The following GPHN variants were observed in gnomAD, a reference collection of about 807,000 sequenced individuals.
The protein encoded by GPHN is gephyrin.
Under a neutral mutation model 95.5 loss-of-function variants are expected in GPHN, and 17 were observed. That is an observed-to-expected ratio of 0.18 (90% CI 0.12 to 0.27). GPHN has a LOEUF of 0.27. Ranked by LOEUF, GPHN falls within the 10% of genes least tolerant of loss-of-function variation. The probability of loss-of-function intolerance (pLI) is 1.00; values close to 1 mark genes in which losing one functional copy is unlikely to be tolerated. For synonymous variants in GPHN, 320 were observed against 322.5 expected (o/e 0.99, Z 0.08); for missense variants, 660 against 978.1 (o/e 0.67, Z 4.34).
At chr14:66,645,452 T>C (rs1268208341) in intron 1 of GPHN, among the ~76,000 whole-genome samples, 2 of 151,974 alleles carry the variant, frequency 1.3e-5, no homozygotes, top group East Asian at 3.9e-4. Context: ...TTTGGGAGGC[T>C]GAGGCAGATG....
chr14:67,696,926 C>T, the GPHN span, among the ~76,000 whole-genome samples: 3 of 152,230 alleles, frequency 2.0e-5, no homozygotes, highest in African/African-American at 7.2e-5. Context: ...TTCCTTCACA[C>T]AATACTAATT....
At chr14:67,599,867 G>A in the GPHN span, among the ~76,000 whole-genome samples, 1 of 152,208 alleles carries the variant, frequency 6.6e-6, no homozygotes, top group Non-Finnish European at 1.5e-5. Context: ...CTGTCCAGCA[G>A]CGGAATATCG....
the GPHN span, among the ~76,000 whole-genome samples, chr14:67,654,044 T>C: frequency 1.3e-5 from 2 of 152,340 alleles, no homozygotes; most frequent in South Asian, 4.2e-4. Flanking sequence ...CTCCAGCAGA[T>C]GGCTACTTGC....
At chr14:66,551,749 C>CA (rs2059819054) in intron 1 of GPHN, among the ~76,000 whole-genome samples, 1 of 152,146 alleles carries the variant, frequency 6.6e-6, no homozygotes, top group Non-Finnish European at 1.5e-5. Flanking sequence ...GGGAAGCAGG[C>CA]ATGTCTTACA....
At chr14:67,504,012 T>C in the GPHN span, among the ~76,000 whole-genome samples, 1 of 149,448 alleles carries the variant, frequency 6.7e-6, no homozygotes, top group East Asian at 2.0e-4. Flanking sequence ...TATTTTTTAA[T>C]TTTTATTTTT....
the GPHN span, among the ~76,000 whole-genome samples, chr14:67,417,121 T>C: frequency 2.0e-5 from 3 of 152,254 alleles, no homozygotes; most frequent in Non-Finnish European, 4.4e-5. Context: ...CAGATCACTC[T>C]TGAACAGCAC....
chr14:67,055,235 C>A (rs928794999), intron 10 of GPHN, among the ~76,000 whole-genome samples: 6 of 151,604 alleles, frequency 4.0e-5, no homozygotes, highest in Non-Finnish European at 8.9e-5. Context: ...AAAAAAATAA[C>A]CCCATTTAAA....
At chr14:67,425,158 C>T in the GPHN span, among the ~76,000 whole-genome samples, 1 of 152,126 alleles carries the variant, frequency 6.6e-6, no homozygotes, top group Admixed American at 6.5e-5. Context: ...GATCACAGCT[C>T]ACTACAGCCT....
the GPHN span, among the ~76,000 whole-genome samples, chr14:67,361,114 G>C: frequency 1.3e-5 from 2 of 152,196 alleles, no homozygotes; most frequent in African/African-American, 2.4e-5. Flanking sequence ...AACTATGTTA[G>C]TTAAGCATAA....
intron 8 of GPHN, among the ~76,000 whole-genome samples, chr14:66,937,851 C>T (rs2067212051): frequency 1.3e-5 from 2 of 152,122 alleles, no homozygotes; most frequent in African/African-American, 4.8e-5. Flanking sequence ...TCTATTTTTG[C>T]CAACCCAAGA....
chr14:67,625,275 C>T, the GPHN span, among the ~76,000 whole-genome samples: 6 of 152,172 alleles, frequency 3.9e-5, no homozygotes, highest in South Asian at 2.1e-4. Flanking sequence ...TGGATTTTTG[C>T]GACCTTGGGT....
intron 17 of GPHN, chr14:67,143,085 C>T (rs566382240): frequency 1.0e-5 from 4 of 387,802 alleles, no homozygotes; most frequent in Admixed American, 3.6e-5. Context: ...CATCCTCCAA[C>T]ATCTCATTGT....
intron 9 of GPHN, among the ~76,000 whole-genome samples, chr14:67,014,403 A>G (rs1189166296): frequency 6.6e-6 from 1 of 152,150 alleles, no homozygotes; most frequent in Non-Finnish European, 1.5e-5. Context: ...GTTTTTTTCC[A>G]GAATACTACT....
rs1160990602 is a variant in GPHN at position 66,681,141 on chromosome 14, C to A, written c.99C>A (p.Asp33Glu). 1.9e-6 allele frequency: 3 copies of A among 1,600,030 alleles called. No individual in the cohort carries two copies. The highest frequency in any genetic ancestry group is 2.6e-6 in the Non-Finnish European group (3 of 1,168,554). ...GTTGCTTCAGGAATCTTGCAGAAGA[C>A]CGCAGTGGGATAAATCTCAAAGATC... Reference protein sequence around the residue: ...SDSCFRNLAEDRSGINLKDLV... With the variant: ...SDSCFRNLAEERSGINLKDLV... Residue 33 changes from aspartate to glutamate, a missense_variant, in exon 2 of 23, where the codon GAC becomes GAA. Asp to Glu is a conservative substitution (Grantham distance 45). Transcript: ENST00000478722.
At chr14:66,559,165 T>C (rs539439019) in intron 1 of GPHN, among the ~76,000 whole-genome samples, 8 of 152,312 alleles carry the variant, frequency 5.3e-5, no homozygotes, top group African/African-American at 1.7e-4. Flanking sequence ...TGGTTCCAAG[T>C]CTTTGCTATT....
chr14:67,204,445 AC>A, the GPHN span: 3 of 1,394,746 alleles, frequency 2.2e-6, no homozygotes, highest in Non-Finnish European at 2.8e-6. Context: ...TTGTCTCAAA[AC>A]AAACAAACAA....
chr14:67,134,960 T>C (rs2079976803), intron 17 of GPHN, among the ~76,000 whole-genome samples: 1 of 125,056 alleles, frequency 8.0e-6, no homozygotes, highest in Non-Finnish European at 1.7e-5. Flanking sequence ...CTTCTTTTTT[T>C]TTTTTTTTTT....
chr14:66,690,364 A>G (rs2067689339), intron 2 of GPHN, among the ~76,000 whole-genome samples: 1 of 151,974 alleles, frequency 6.6e-6, no homozygotes, highest in African/African-American at 2.4e-5. Context: ...GTTGATTTCT[A>G]GTTTTATTTA....
intron 1 of GPHN, among the ~76,000 whole-genome samples, chr14:66,626,581 A>T (rs1388265225): frequency 6.6e-6 from 1 of 152,120 alleles, no homozygotes; most frequent in Admixed American, 6.5e-5. Context: ...AATGTATTAA[A>T]TTGAATGCTG....
Sources: allele counts gnomAD v4.1 joint callset (sites outside exome capture counted in the v4.1 genomes callset), GRCh38; gene constraint gnomAD v4.1.1; transcripts MANE v1.5; gene names NCBI Gene and HGNC (gene_info 2026-07-23, HGNC 2026-07-21).